The following GLS variants were observed in gnomAD, a reference collection of about 807,000 sequenced individuals.
The protein encoded by GLS is glutaminase.
A neutral mutation model predicts 86.7 loss-of-function variants in GLS; 36 were observed. The ratio of observed to expected loss-of-function variants is 0.42; its 90% confidence interval spans 0.32 to 0.55. The LOEUF is 0.55. Among genes scored for constraint, GLS ranks in the 20% least tolerant of loss-of-function variants. The pLI, the probability that GLS is intolerant of heterozygous loss-of-function variation, is 0.17. For synonymous variants in GLS, 317 were observed against 305.9 expected, an observed-to-expected ratio of 1.04 and a Z score of -0.38; for missense variants, 528 against 833.4, an observed-to-expected ratio of 0.63 and a Z score of 4.51.
chr2:190,940,080 T>C (rs1185795801), intron 14 of GLS, among the ~76,000 whole-genome samples: 2 of 151,958 alleles, frequency 1.3e-5, no homozygotes, highest in Non-Finnish European at 2.9e-5. Context: ...TAATTTTCTT[T>C]AAAAAGTTCG....
At chr2:190,910,168 G>A (rs766622569) in intron 6 of GLS, 95 bp from the exon 7 acceptor site, 15 of 727,024 alleles carry the variant, frequency 2.1e-5, no homozygotes, top group African/African-American at 1.7e-4. Flanking sequence ...AATTGAGTAC[G>A]TTAGCTGTGC....
chr2:190,937,840 G>GC (rs1424839209), intron 14 of GLS, among the ~76,000 whole-genome samples: 1 of 128,400 alleles, frequency 7.8e-6, no homozygotes, highest in Non-Finnish European at 1.7e-5. Context: ...GAATCTGTGG[G>GC]TTTTTTTTTT....
chr2:190,936,598 T>C (rs974473114), intron 14 of GLS, among the ~76,000 whole-genome samples: 4 of 151,054 alleles, frequency 2.6e-5, no homozygotes, highest in African/African-American at 9.7e-5. Context: ...TCTGTTACCA[T>C]TCCCATTCAC....
At chr2:190,911,998 C>G (rs1689377771) in intron 7 of GLS, among the ~76,000 whole-genome samples, 1 of 152,082 alleles carries the variant, frequency 6.6e-6, no homozygotes, top group African/African-American at 2.4e-5. Context: ...ACAGACTACA[C>G]CGAAATGCTG....
rs962938775 is a variant in GLS at position 190,963,864 on chromosome 2, T to TA, written c.*884dup. The TA allele has an allele frequency of 6.6e-6, 1 of 151,634 alleles. No individual in the cohort carries two copies. The highest frequency in any genetic ancestry group is 2.4e-5 in the African/African-American group (1 of 41,336). The allele number at this position is 151,634 out of a possible 1,614,324, so 9.4% of individuals were successfully genotyped here. A position where few individuals can be genotyped will look rare whatever the true frequency, so the allele number is the denominator to read the frequency against. On this transcript the variant is annotated 3_prime_UTR_variant, in exon 18 of 18. Transcript: ENST00000320717. Reference sequence around the variant, plus strand: ...TATAAATTAGTCAAGTTTATCAGTCTAAAAAACGAAGGGATGTGCAACTGC... The same window carrying TA: ...TATAAATTAGTCAAGTTTATCAGTCTAAAAAAACGAAGGGATGTGCAACTGC...
chr2:190,920,667 TAA>T lies in GLS; in HGVS notation c.1039-356_1039-355del, dbSNP rs1418047035. 6.6e-6 allele frequency among the ~76,000 whole-genome samples: 1 copy of T among 151,754 alleles called. No individual in the cohort carries two copies. The highest frequency in any genetic ancestry group is 1.5e-5 in the Non-Finnish European group (1 of 67,724). On this transcript the variant is annotated intron_variant, in intron 7 of 17. Transcript: ENST00000320717. This position sits in a 1 kb window ranked among gnomAD's most constrained non-coding sequence, Gnocchi z 4.2. ...CTTTTCGAAGGGTGAAACTTTATTTTAAGTTTTTTTAAATATAAGATTAAATA... is the reference window on the plus strand; with the variant it reads ...CTTTTCGAAGGGTGAAACTTTATTTTGTTTTTTTAAATATAAGATTAAATA...
chr2:190,907,991 G>T (rs1689218881), intron 6 of GLS, among the ~76,000 whole-genome samples: 1 of 152,168 alleles, frequency 6.6e-6, no homozygotes, highest in Non-Finnish European at 1.5e-5. Flanking sequence ...ATTTACATGA[G>T]GATGACAGGA....
In GLS at chr2:190,881,484, C is replaced by T. The variant is rs757078343; in HGVS notation, c.386+14C>T. On this transcript the variant is annotated intron_variant, in intron 1 of 17. Transcript: ENST00000320717. ...CTCAGGTGAAAAGTGAGTGTCTCCG[C>T]GAGGCGCAGGAGGCCTCGTTCCTTT... is the stretch of plus-strand genomic sequence containing the variant. The T allele has an allele frequency of 2.0e-5, 31 of 1,535,976 alleles. No homozygotes were observed. The South Asian group carries it at 2.5e-4, about 12-fold the overall frequency.
intron 1 of GLS, 124 bp downstream of exon 1, chr2:190,881,594 C>G: frequency 1.0e-6 from 1 of 954,496 alleles, no homozygotes; most frequent in Non-Finnish European, 1.5e-6. Flanking sequence ...AAAGAGGTGC[C>G]GGGCGGCCTG....
At chr2:190,961,427 C>T (rs528823595) in intron 17 of GLS, among the ~76,000 whole-genome samples, 146 of 152,236 alleles carry the variant, frequency 9.6e-4, no homozygotes, top group African/African-American at 3.3e-3. Context: ...GAACTCCTGG[C>T]CTCAAGTGGT....
In GLS at chr2:190,882,947, G is replaced by A. The variant is rs191570915; in HGVS notation, c.386+1477G>A. On this transcript the variant is annotated intron_variant, in intron 1 of 17. Transcript: ENST00000320717. The stretch of plus-strand genomic sequence containing the variant: ...TCATCCGGTTTACCAAGGAAGTAAC[G>A]AGTTTACATGCAAGTGCCCAAGGTA... Among the ~76,000 whole-genome samples, 166 of 152,298 alleles carry A rather than the reference G, an allele frequency of 1.1e-3. 1 individual carries two copies. Among genetic ancestry groups the A allele is most frequent in the Non-Finnish European group, 1.9e-3 (129 of 68,018 alleles).
rs1289511095 is a variant in GLS at position 190,935,849 on chromosome 2, C to T, written c.1650+4212C>T. Among the ~76,000 whole-genome samples the T allele has an allele frequency of 6.6e-6, 1 of 151,070 alleles. No homozygotes were observed. The highest frequency in any genetic ancestry group is 1.5e-5 in the Non-Finnish European group (1 of 67,202). On this transcript the variant is annotated intron_variant, in intron 14 of 17. Transcript: ENST00000320717. This position sits in a 1 kb window ranked among gnomAD's most constrained non-coding sequence, Gnocchi z 4.2. ...CTGGTTTCTGAGGGGATTACATTTTCAGAAGGAATTTTGTATATTTCCACA... is the reference window on the plus strand; with the variant it reads ...CTGGTTTCTGAGGGGATTACATTTTTAGAAGGAATTTTGTATATTTCCACA...
chr2:190,881,306 C>T lies in GLS; in HGVS notation c.222C>T (p.Ser74=). The change falls in exon 1 of 18, where the codon AGC becomes AGT. Residue 74 remains serine (S), a synonymous_variant. Transcript: ENST00000320717. ...PAEPLARGLS[S]SPSEILQELG... Reference sequence around the variant, plus strand: ...AGCCCCTCGCGCGGGGCCTGTCCAGCTCTCCTTCGGAGATCTTGCAGGAGC... The same window carrying T: ...AGCCCCTCGCGCGGGGCCTGTCCAGTTCTCCTTCGGAGATCTTGCAGGAGC... 1 of 1,496,414 alleles carries T rather than the reference C, an allele frequency of 6.7e-7. No homozygotes were observed. The highest frequency in any genetic ancestry group is 1.2e-5 in the South Asian group (1 of 80,024). The allele number at this position is 1,496,414 out of a possible 1,614,324, so 92.7% of individuals were successfully genotyped here. A position where few individuals can be genotyped will look rare whatever the true frequency, so the allele number is the denominator to read the frequency against.
At chr2:190,900,914 T>A (rs186306601) in intron 4 of GLS, among the ~76,000 whole-genome samples, 14 of 152,288 alleles carry the variant, frequency 9.2e-5, no homozygotes, top group African/African-American at 3.4e-4. Flanking sequence ...GTAAGAATTT[T>A]TTATTTTCAG....
intron 3 of GLS, among the ~76,000 whole-genome samples, chr2:190,900,025 A>G (rs1005579862): frequency 1.8e-5 from 2 of 112,986 alleles, no homozygotes; most frequent in African/African-American, 5.0e-5. Context: ...TTTTACAAGC[A>G]TATCAACAGA....
chr2:190,916,186 C>A (rs982111865), intron 7 of GLS, among the ~76,000 whole-genome samples: 46 of 152,052 alleles, frequency 3.0e-4, no homozygotes, highest in Non-Finnish European at 6.6e-4. Flanking sequence ...AAAGGAAAAT[C>A]TTACAAATTA....
At position 190,949,703 on chromosome 2, in the gene GLS, A is replaced by G. The variant is rs1220808971; in HGVS notation, c.1651-3862A>G. Among the ~76,000 whole-genome samples, 1 of 152,026 alleles carries G rather than the reference A, an allele frequency of 6.6e-6. No individual in the cohort carries two copies. The highest frequency in any genetic ancestry group is 2.4e-5 in the African/African-American group (1 of 41,382). ...CGAGACCTTGTCTCAAAAAAAATAA[A>G]ATGCAGGGTTGGGGGCCGATAGAGG... On this transcript the variant is annotated intron_variant, in intron 14 of 17. Transcript: ENST00000320717. This position sits in a 1 kb window ranked among gnomAD's most constrained non-coding sequence, Gnocchi z 4.0.
chr2:190,929,325 A>G (rs1690022791), intron 12 of GLS, among the ~76,000 whole-genome samples: 1 of 152,066 alleles, frequency 6.6e-6, no homozygotes, highest in Non-Finnish European at 1.5e-5. Flanking sequence ...ATTTAAAAAC[A>G]ATACGTTTAT....
At chr2:190,912,863 G>A (rs1395270362) in intron 7 of GLS, among the ~76,000 whole-genome samples, 1 of 152,124 alleles carries the variant, frequency 6.6e-6, no homozygotes, top group African/African-American at 2.4e-5. Context: ...TTTAAAAGTT[G>A]TATCTCATTT....
Sources: gnomAD v4.1 joint callset for allele counts (sites outside exome capture counted in the v4.1 genomes callset) on GRCh38, gnomAD v4.1.1 for gene constraint, Gnocchi (gnomAD v3.1) non-coding constraint, MANE v1.5 for transcripts, NCBI Gene and HGNC (gene_info 2026-07-23, HGNC 2026-07-21) for gene names.